Variants in ACTR3C observed in about 807,000 individuals in gnomAD.
ACTR3C encodes the protein actin-related protein 3C.
In ACTR3C, 18 loss-of-function variants were observed where a neutral mutation model predicts 26.3. The ratio of observed to expected loss-of-function variants is 0.68; its 90% CI spans 0.47 to 1.01. The LOEUF is 1.01. ACTR3C is among the 50% of genes least tolerant of loss of function. The pLI, the probability that ACTR3C is intolerant of heterozygous loss-of-function variation, is 0.00. For synonymous variants in ACTR3C, 55 were observed against 94.5 expected, an observed-to-expected ratio of 0.58 and a Z score of 2.42; for missense variants, 184 against 250.7, an observed-to-expected ratio of 0.73 and a Z score of 1.80.
At chr7:149,969,330 T>TGTGTGTGA in the ACTR3C span, among the ~76,000 whole-genome samples, 4 of 107,378 alleles carry the variant, frequency 3.7e-5, no homozygotes, top group African/African-American at 1.3e-4. Flanking sequence ...TGTGTGTGTG[T>TGTGTGTGA]GATGCTGCCC....
chr7:150,035,953 CA>C, the ACTR3C span, among the ~76,000 whole-genome samples: 393 of 134,010 alleles, frequency 2.9e-3, 15 homozygotes, highest in African/African-American at 6.2e-3. Flanking sequence ...TCCTCAGAGC[CA>C]GGGCGGGAAG....
At chr7:149,896,689 T>C in the ACTR3C span, among the ~76,000 whole-genome samples, 2 of 151,802 alleles carry the variant, frequency 1.3e-5, no homozygotes, top group Admixed American at 6.5e-5. Context: ...CTAATTATAA[T>C]AGCAACAAAT....
At chr7:150,037,333 G>T in the ACTR3C span, among the ~76,000 whole-genome samples, 127 of 59,594 alleles carry the variant, frequency 2.1e-3, 45 homozygotes, top group Non-Finnish European at 4.8e-3. Flanking sequence ...TCCTAAGCCG[G>T]GGGGGGAAGA....
At chr7:150,253,051 C>T (rs1314153492) in intron 6 of ACTR3C, among the ~76,000 whole-genome samples, 1 of 151,994 alleles carries the variant, frequency 6.6e-6, no homozygotes, top group African/African-American at 2.4e-5. Flanking sequence ...TTTACGTATA[C>T]TGGCTGCTTA....
chr7:150,016,433 C>A, the ACTR3C span, among the ~76,000 whole-genome samples: 105 of 152,208 alleles, frequency 6.9e-4, no homozygotes, highest in Non-Finnish European at 1.3e-3. Context: ...AAGGCATCAT[C>A]TTCCCATTAG....
the ACTR3C span, among the ~76,000 whole-genome samples, chr7:150,047,016 T>C: frequency 6.6e-6 from 1 of 151,372 alleles, no homozygotes; most frequent in East Asian, 1.9e-4. Context: ...CAGATGCCAG[T>C]ATTTTGGTAT....
the ACTR3C span, among the ~76,000 whole-genome samples, chr7:150,197,477 C>G: frequency 2.1e-4 from 32 of 152,332 alleles, no homozygotes; most frequent in African/African-American, 7.5e-4. Context: ...TATCTTCTCT[C>G]TAGTGGATTT....
chr7:150,292,192 C>T (rs1333460612), intron 3 of ACTR3C, among the ~76,000 whole-genome samples: 1 of 151,682 alleles, frequency 6.6e-6, no homozygotes, highest in African/African-American at 2.4e-5. Flanking sequence ...CCCCCATATA[C>T]ATATGCAGAA....
Position 150,254,460 on chromosome 7 carries a change from A to C in ACTR3C, c.565-5406T>G, listed in dbSNP as rs368380334. ...TTGACCTTCCCAGTCTTAAAACTTAAACATGTTACATTTGTATTATCTGAG... is the reference window on the plus strand; with the variant it reads ...TTGACCTTCCCAGTCTTAAAACTTACACATGTTACATTTGTATTATCTGAG... On this transcript the variant is annotated intron_variant, in intron 6 of 7. Coordinates refer to ENST00000683684, the MANE Select transcript of ACTR3C (RefSeq NM_001164458.2). Among the ~76,000 whole-genome samples the C allele has an allele frequency of 8.2e-4, 124 of 152,146 alleles. 1 individual carries two copies. Among genetic ancestry groups the C allele is most frequent in the African/African-American group, 2.9e-3 (121 of 41,540 alleles).
At chr7:150,220,164 A>T in the ACTR3C span, among the ~76,000 whole-genome samples, 2 of 148,054 alleles carry the variant, frequency 1.4e-5, 1 homozygote, top group African/African-American at 5.3e-5. Flanking sequence ...AACCTGCCGG[A>T]GTCTCCACTC....
At chr7:150,297,084 C>T (rs571152758) in intron 1 of ACTR3C, among the ~76,000 whole-genome samples, 106 of 151,942 alleles carry the variant, frequency 7.0e-4, no homozygotes, top group African/African-American at 2.3e-3. Context: ...TACACCCCTA[C>T]GACAGGGAAA....
chr7:150,046,171 G>A, the ACTR3C span, among the ~76,000 whole-genome samples: 17 of 152,104 alleles, frequency 1.1e-4, no homozygotes, highest in African/African-American at 3.1e-4. Context: ...GCTGTAGGGG[G>A]TGTGTACCTG....
intron 6 of ACTR3C, among the ~76,000 whole-genome samples, chr7:150,259,223 A>G (rs1833452063): frequency 6.6e-6 from 1 of 152,012 alleles, no homozygotes; most frequent in African/African-American, 2.4e-5. Context: ...TGACACATAC[A>G]AAAAGAAAGA....
the ACTR3C span, among the ~76,000 whole-genome samples, chr7:149,992,664 A>C: frequency 3.3e-5 from 5 of 152,230 alleles, no homozygotes; most frequent in African/African-American, 1.2e-4. Context: ...GAGGCCCCGT[A>C]GAAGTGAACG....
chr7:150,108,809 T>A, the ACTR3C span, among the ~76,000 whole-genome samples: 3 of 150,360 alleles, frequency 2.0e-5, 1 homozygote, highest in Admixed American at 6.6e-5. Flanking sequence ...TATTTTATTA[T>A]AGCAACACAA....
At chr7:149,884,125 A>C in the ACTR3C span, among the ~76,000 whole-genome samples, 1 of 152,328 alleles carries the variant, frequency 6.6e-6, no homozygotes, top group South Asian at 2.1e-4. Flanking sequence ...ATTCTGGAAC[A>C]GTGAGGAGCT....
the ACTR3C span, among the ~76,000 whole-genome samples, chr7:150,195,304 A>T: frequency 6.6e-6 from 1 of 151,864 alleles, no homozygotes; most frequent in Non-Finnish European, 1.5e-5. Context: ...TGGAGCAATT[A>T]GGTATAAAAA....
the ACTR3C span, among the ~76,000 whole-genome samples, chr7:150,035,224 C>G: frequency 0.016 from 1,498 of 95,442 alleles, 135 homozygotes; most frequent in Middle Eastern, 0.052. Context: ...CCACCTCTGC[C>G]ATGGGGGTCC....
intron 1 of ACTR3C, among the ~76,000 whole-genome samples, chr7:150,317,452 T>C (rs1462720913): frequency 6.6e-6 from 1 of 152,230 alleles, no homozygotes; most frequent in East Asian, 1.9e-4. Context: ...ATTATTTTAT[T>C]AGCTGTAGTA....
Sources: allele counts gnomAD v4.1 joint callset (sites outside exome capture counted in the v4.1 genomes callset), GRCh38; gene constraint gnomAD v4.1.1; transcripts MANE v1.5; gene names NCBI Gene and HGNC (gene_info 2026-07-23, HGNC 2026-07-21).